RAI14: variants seen among roughly 807,000 people sequenced by gnomAD.
RAI14 encodes ankycorbin.
RAI14 carries 45 observed loss-of-function variants against 115.4 expected under a neutral mutation model. The ratio of observed to expected loss-of-function variants is 0.39; its 90% confidence interval spans 0.31 to 0.50. The LOEUF (loss-of-function observed/expected upper bound fraction) is 0.50. Ranked by LOEUF, RAI14 falls within the 20% of genes least tolerant of loss-of-function variation. RAI14 has a pLI of 0.85. For synonymous variants in RAI14, 371 were observed against 415.4 expected (o/e 0.89, Z 1.30); for missense variants, 939 against 1,131.2 (o/e 0.83, Z 2.44).
intron 3 of RAI14, among the ~76,000 whole-genome samples, chr5:34,793,749 T>C (rs746488733): frequency 2.0e-5 from 3 of 152,204 alleles, no homozygotes; most frequent in Admixed American, 6.5e-5. Flanking sequence ...CTTATTTAGA[T>C]ACTTTTGATT....
intron 2 of RAI14, among the ~76,000 whole-genome samples, chr5:34,739,363 T>C (rs996023786): frequency 1.3e-5 from 2 of 152,210 alleles, no homozygotes; most frequent in Non-Finnish European, 2.9e-5. Context: ...TCTGGGTTCT[T>C]GCTTTTAAGC....
chr5:34,745,108 A>T (rs1383422172), intron 2 of RAI14, among the ~76,000 whole-genome samples: 1 of 152,184 alleles, frequency 6.6e-6, no homozygotes, highest in Non-Finnish European at 1.5e-5. Context: ...AGACCCTATT[A>T]TCCAATAAGG....
At position 34,750,710 on chromosome 5, in the gene RAI14, G is replaced by A. The variant is rs115444228; in HGVS notation, c.37-6758G>A. The stretch of plus-strand genomic sequence containing the variant: ...ACAAGTAGTTATAAAGTGAGCATCT[G>A]AGGAGCTGCTAATCAGACCCTAAAA... On this transcript the variant is annotated intron_variant, in intron 2 of 17. Transcript: ENST00000265109. Among the ~76,000 whole-genome samples the A allele has an allele frequency of 6.5e-3, 989 of 152,216 alleles. 9 individuals carry two copies. The highest frequency in any genetic ancestry group is 0.023 in the African/African-American group (945 of 41,536).
chr5:34,723,849 T>C (rs1743113806), intron 2 of RAI14, among the ~76,000 whole-genome samples: 1 of 152,224 alleles, frequency 6.6e-6, no homozygotes, highest in East Asian at 1.9e-4. Context: ...ATATAAGCAT[T>C]ACGTGTGATA....
At chr5:34,808,941 C>A (rs1755251955) in intron 7 of RAI14, among the ~76,000 whole-genome samples, 1 of 152,174 alleles carries the variant, frequency 6.6e-6, no homozygotes, top group Admixed American at 6.5e-5. Context: ...TGCTGCTGAT[C>A]TTATAGGCAG....
At chr5:34,710,647 C>T (rs1300178091) in intron 2 of RAI14, among the ~76,000 whole-genome samples, 4 of 152,174 alleles carry the variant, frequency 2.6e-5, no homozygotes, top group Admixed American at 6.5e-5. Context: ...ATTCCCAGGT[C>T]CTCTCCTTGA....
At chr5:34,733,809 C>G (rs1405850122) in intron 2 of RAI14, among the ~76,000 whole-genome samples, 2 of 152,208 alleles carry the variant, frequency 1.3e-5, no homozygotes, top group African/African-American at 4.8e-5. Flanking sequence ...CAGATGTTAG[C>G]TCAGTGTCCC....
At chr5:34,809,120 T>C (rs1038067994) in intron 7 of RAI14, among the ~76,000 whole-genome samples, 2 of 152,206 alleles carry the variant, frequency 1.3e-5, no homozygotes, top group Admixed American at 1.3e-4. Context: ...AAAATGGATT[T>C]ATGTATTACT....
Position 34,795,999 on chromosome 5 carries a change from T to C in RAI14, c.228T>C (p.Gly76=), listed in dbSNP as rs757115596. The C allele has an allele frequency of 1.2e-6, 2 of 1,613,140 alleles. No individual in the cohort carries two copies. The highest frequency in any genetic ancestry group is 1.7e-4 in the Middle Eastern group (1 of 6,056). The change falls in exon 4 of 18, where the codon GGT becomes GGC. Residue 76 remains glycine (G), a synonymous_variant. Transcript: ENST00000265109. ...GCCTCAGGGTCATGATTACACATGG[T>C]GTGGATGTGACAGCCCAAGATACTA... ...VECLRVMITH[G]VDVTAQDTTG... is the part of the protein sequence containing the mutation.
chr5:34,756,928 G>A (rs1173225220), intron 2 of RAI14, among the ~76,000 whole-genome samples: 3 of 152,164 alleles, frequency 2.0e-5, no homozygotes, highest in Admixed American at 6.5e-5. Context: ...TTGTTGAGTC[G>A]GTAGCCTGGA....
chr5:34,714,181 T>C (rs1741740625), intron 2 of RAI14, among the ~76,000 whole-genome samples: 1 of 152,258 alleles, frequency 6.6e-6, no homozygotes, highest in Non-Finnish European at 1.5e-5. Context: ...TTCACATAAA[T>C]TTCTAAGTGT....
intron 5 of RAI14, among the ~76,000 whole-genome samples, chr5:34,805,528 C>T (rs1754772447): frequency 6.6e-6 from 1 of 152,190 alleles, no homozygotes; most frequent in African/African-American, 2.4e-5. Flanking sequence ...CAAATAGAGC[C>T]TTTTGAGATT....
intron 2 of RAI14, among the ~76,000 whole-genome samples, chr5:34,754,243 A>G (rs1747579273): frequency 6.6e-6 from 1 of 152,164 alleles, no homozygotes; most frequent in South Asian, 2.1e-4. Flanking sequence ...AGTTGTGCAT[A>G]TCAGAGCTAA....
At chr5:34,757,302 G>C in intron 2 of RAI14, 166 bp from the exon 3 acceptor site, 1 of 767,056 alleles carries the variant, frequency 1.3e-6, no homozygotes. Flanking sequence ...CGGCCTTCTT[G>C]GGTGTCTCCA....
At chr5:34,720,499 C>T (rs1742553393) in intron 2 of RAI14, among the ~76,000 whole-genome samples, 1 of 150,440 alleles carries the variant, frequency 6.6e-6, no homozygotes, top group South Asian at 2.1e-4. Context: ...GAAGCTCCAC[C>T]TCCCGGGTTC....
Position 34,688,223 on chromosome 5 carries a change from C to T in RAI14, c.36+1268C>T, listed in dbSNP as rs755622799. The T allele has an allele frequency of 2.4e-5, 38 of 1,551,236 alleles. No individual in the cohort carries two copies. The highest frequency in any genetic ancestry group is 7.9e-5 in the Admixed American group (4 of 50,926). ...TATGTTATGCAGCCTACATATCTCC[C>T]GTGGCTTTCAGCTAAGGAGAAAAAG... On this transcript the variant is annotated intron_variant, in intron 2 of 17. Coordinates refer to ENST00000265109, the MANE Select transcript of RAI14 (RefSeq NM_015577.3).
intron 2 of RAI14, among the ~76,000 whole-genome samples, chr5:34,729,483 C>A (rs778275842): frequency 6.6e-6 from 1 of 152,166 alleles, no homozygotes; most frequent in Non-Finnish European, 1.5e-5. Flanking sequence ...ACCCCAGTGA[C>A]TTCAAGAAAA....
intron 3 of RAI14, among the ~76,000 whole-genome samples, chr5:34,761,263 T>C (rs1402824471): frequency 6.6e-6 from 1 of 152,240 alleles, no homozygotes; most frequent in Non-Finnish European, 1.5e-5. Flanking sequence ...CACCGCTCAC[T>C]GTAGCCTCAA....
intron 3 of RAI14, among the ~76,000 whole-genome samples, chr5:34,784,432 C>T (rs1752041020): frequency 6.6e-6 from 1 of 152,104 alleles, no homozygotes. Flanking sequence ...TGAGAATACC[C>T]ACAAAGTCAG....
Sources: gnomAD v4.1 joint callset for allele counts (sites outside exome capture counted in the v4.1 genomes callset) on GRCh38, gnomAD v4.1.1 for gene constraint, MANE v1.5 for transcripts, NCBI Gene and HGNC (gene_info 2026-07-23, HGNC 2026-07-21) for gene names.